Variants in TCF7 observed in about 807,000 individuals in gnomAD.
TCF7 encodes transcription factor 7.
In TCF7, 19 loss-of-function variants were observed where a neutral mutation model predicts 46.8. That is an observed-to-expected ratio of 0.41 (90% CI 0.28 to 0.60). The LOEUF is 0.60. Ranked by LOEUF, TCF7 falls within the 20% of genes least tolerant of loss-of-function variation. The pLI, the probability that TCF7 is intolerant of heterozygous loss-of-function variation, is 0.35. For synonymous variants in TCF7, 245 were observed against 213.4 expected (o/e 1.15, Z -1.29); for missense variants, 547 against 504.6 (o/e 1.08, Z -0.81).
chr5:134,116,099 C>T (rs1399154021), intron 3 of TCF7, 66 bp downstream of exon 3: 1 of 1,535,146 alleles, frequency 6.5e-7, no homozygotes, highest in Non-Finnish European at 8.8e-7. Flanking sequence ...AGGTGAGGCA[C>T]CGGCAAGAGA....
intron 3 of TCF7, among the ~76,000 whole-genome samples, chr5:134,124,024 A>G (rs1023648993): frequency 5.9e-5 from 9 of 151,972 alleles, no homozygotes; most frequent in African/African-American, 1.7e-4. Context: ...TCGGGATCCT[A>G]GGGTCTGGCC....
At chr5:134,142,402 G>T in intron 6 of TCF7, 98 bp downstream of exon 6, 2 of 1,104,750 alleles carry the variant, frequency 1.8e-6, no homozygotes, top group South Asian at 2.0e-5. Context: ...TGCCTAAGCT[G>T]TTTCGTGCCT....
upstream of TCF7, among the ~76,000 whole-genome samples, chr5:134,111,047 G>A (rs183214836): frequency 2.6e-5 from 4 of 152,124 alleles, no homozygotes; most frequent in Non-Finnish European, 4.4e-5. Context: ...TCTTCACTAG[G>A]GTACAGTGGT....
chr5:134,141,851 G>GGAGA, intron 5 of TCF7: 1 of 219,374 alleles, frequency 4.6e-6, no homozygotes, highest in East Asian at 1.0e-4. Context: ...GGGTCAAGCA[G>GGAGA]GAGAGGGATG....
intron 5 of TCF7, chr5:134,141,168 C>T (rs957171721): frequency 1.2e-5 from 2 of 170,176 alleles, no homozygotes; most frequent in African/African-American, 2.4e-5. Flanking sequence ...GTGCACTCAC[C>T]TCTGTTCTTC....
At chr5:134,140,249 G>A (rs550940751) in intron 5 of TCF7, among the ~76,000 whole-genome samples, 4 of 152,176 alleles carry the variant, frequency 2.6e-5, no homozygotes, top group Non-Finnish European at 5.9e-5. Flanking sequence ...CCAACTGATC[G>A]TTAGGTCCCT....
At chr5:134,119,054 G>C (rs1174098405) in intron 3 of TCF7, among the ~76,000 whole-genome samples, 1 of 152,182 alleles carries the variant, frequency 6.6e-6, no homozygotes, top group East Asian at 1.9e-4. Flanking sequence ...GGTGGTGAGT[G>C]GGGAGATAGT....
intron 3 of TCF7, among the ~76,000 whole-genome samples, chr5:134,132,962 G>T (rs1758356726): frequency 6.6e-6 from 1 of 152,246 alleles, no homozygotes; most frequent in South Asian, 2.1e-4. Context: ...AGGGCGAGGA[G>T]CCCCTGTGGG....
Position 134,120,035 on chromosome 5 carries a change from G to A in TCF7, c.441+4002G>A, listed in dbSNP as rs111655602. Among the ~76,000 whole-genome samples, 804 of 152,310 alleles carry A rather than the reference G, an allele frequency of 5.3e-3. 4 individuals are homozygous for A. The highest frequency in any genetic ancestry group is 0.019 in the African/African-American group (771 of 41,566). ...GATAGAGACCTGAAGCAGAGCTGGC[G>A]AGAGGAGCGCTGTCACTGAGGTGTC... On this transcript the variant is annotated intron_variant, in intron 3 of 9. Coordinates refer to ENST00000342854, the MANE Select transcript of TCF7 (RefSeq NM_003202.5).
rs1212449870 is a variant in TCF7, at chr5:134,146,722, T to G, written c.*419T>G. On this transcript the variant is annotated 3_prime_UTR_variant, in exon 10 of 10. Transcript: ENST00000342854. ...CAAGTGGTGGGAATCAGATCTGTCT[T>G]GATGTGTCATCTAATTAAGGGAATC... 1.7e-6 allele frequency: 1 copy of G among 599,032 alleles called. No individual in the cohort carries two copies. Among genetic ancestry groups the G allele is most frequent in the African/African-American group, 1.9e-5 (1 of 53,846 alleles). The allele number at this position is 599,032 out of a possible 1,614,324, so 37.1% of individuals were successfully genotyped here. A position where few individuals can be genotyped will look rare whatever the true frequency, so the allele number is the denominator to read the frequency against.
intron 1 of TCF7, 65 bp downstream of exon 1, chr5:134,115,220 C>G: frequency 8.4e-7 from 1 of 1,191,586 alleles, no homozygotes; most frequent in Non-Finnish European, 1.1e-6. Flanking sequence ...CAGTTGCGCG[C>G]GGCCCTCGGG....
chr5:134,139,230 T>G, intron 5 of TCF7, 192 bp downstream of exon 5: 1 of 799,926 alleles, frequency 1.3e-6, no homozygotes, highest in Non-Finnish European at 1.9e-6. Context: ...CCGGCCTGCA[T>G]TCCCCAGGGA....
At chr5:134,137,911 CTG>C in intron 3 of TCF7, 146 bp from the exon 4 acceptor site, 6 of 597,972 alleles carry the variant, frequency 1.0e-5, no homozygotes, top group Non-Finnish European at 1.7e-5. Context: ...GTACTGGACA[CTG>C]TGACTTGAGT....
At chr5:134,117,546 A>G (rs1755992200) in intron 3 of TCF7, among the ~76,000 whole-genome samples, 1 of 152,224 alleles carries the variant, frequency 6.6e-6, no homozygotes, top group South Asian at 2.1e-4. Flanking sequence ...CAGCACAGGG[A>G]AAAGGCTTCC....
intron 3 of TCF7, among the ~76,000 whole-genome samples, chr5:134,121,555 C>T (rs1360876356): frequency 6.6e-6 from 1 of 150,436 alleles, no homozygotes; most frequent in African/African-American, 2.5e-5. Flanking sequence ...CGCCACTGCA[C>T]TCCAGCCTGG....
In TCF7 at chr5:134,123,834, G is replaced by A. The variant is rs1014677764; in HGVS notation, c.441+7801G>A. On this transcript the variant is annotated intron_variant, in intron 3 of 9. Coordinates refer to ENST00000342854, the MANE Select transcript of TCF7 (RefSeq NM_003202.5). ...AAAGGCGGGGAGAGCCAGCTGCTGG[G>A]GCAGGGTGGATGCTAGGAGGCATGG... 12 of 456,198 alleles carry A rather than the reference G, an allele frequency of 2.6e-5. 1 individual carries two copies. The highest frequency in any genetic ancestry group is 3.2e-4 in the Middle Eastern group (1 of 3,100). 28.3% of individuals were successfully genotyped at this position (456,198 alleles called of 1,614,324 possible).
chr5:134,138,356 C>G, intron 4 of TCF7, 192 bp downstream of exon 4: 2 of 566,482 alleles, frequency 3.5e-6, no homozygotes, highest in Non-Finnish European at 6.3e-6. Context: ...AAAGGTGGTG[C>G]TAGGTCAAAA....
In TCF7 at chr5:134,138,945, C is replaced by G; in HGVS notation, c.548-6C>G. On this transcript the variant is annotated splice_polypyrimidine_tract_variant and splice_region_variant and intron_variant, in intron 4 of 9. Transcript: ENST00000342854. ...AGCCCACTCACTCAGCTTCTCTCCT[C>G]TGCAGTTCACAGGCCTCTGCAGACC... 6.2e-7 allele frequency: 1 copy of G among 1,613,886 alleles called. No homozygotes were observed. Among genetic ancestry groups the G allele is most frequent in the East Asian group, 2.2e-5 (1 of 44,886 alleles).
chr5:134,143,158 C>T (rs1459467356), intron 8 of TCF7, 58 bp downstream of exon 8: 1 of 1,507,192 alleles, frequency 6.6e-7, no homozygotes, highest in African/African-American at 1.4e-5. Context: ...GATACCATGC[C>T]CCAGGCCACA....
Sources: gnomAD v4.1 joint callset for allele counts (sites outside exome capture counted in the v4.1 genomes callset) on GRCh38, gnomAD v4.1.1 for gene constraint, MANE v1.5 for transcripts, NCBI Gene and HGNC (gene_info 2026-07-23, HGNC 2026-07-21) for gene names.